The following NEDD9 variants were observed in gnomAD, a reference collection of about 807,000 sequenced individuals.
NEDD9 encodes the protein neural precursor cell expressed, developmentally down-regulated 9.
In NEDD9, 26 loss-of-function variants were observed where a neutral mutation model predicts 76.6. The observed-to-expected ratio is 0.34, with a 90% CI of 0.25 to 0.47. The LOEUF (loss-of-function observed/expected upper bound fraction) is 0.47, where lower values mean the gene tolerates loss of function less well. Among genes scored for constraint, NEDD9 ranks in the 20% least tolerant of loss-of-function variants. The pLI is 1.00. For synonymous variants in NEDD9, 392 were observed against 414.2 expected (o/e 0.95, Z 0.65); for missense variants, 937 against 1,058.5 (o/e 0.89, Z 1.59).
chr6:11,261,707 T>A (rs1291773713), intron 3 of NEDD9, among the ~76,000 whole-genome samples: 2 of 152,340 alleles, frequency 1.3e-5, no homozygotes, highest in East Asian at 3.9e-4. Flanking sequence ...TGGATGCGGA[T>A]CATGGAAAAT....
intron 3 of NEDD9, among the ~76,000 whole-genome samples, chr6:11,240,173 C>T (rs1759685488): frequency 6.6e-6 from 1 of 152,020 alleles, no homozygotes; most frequent in African/African-American, 2.4e-5. Context: ...TCATTTCGCT[C>T]TCAAGGACAA....
Position 11,188,282 on chromosome 6 carries a change from T to A in NEDD9, c.1931A>T (p.Gln644Leu), listed in dbSNP as rs1245567367. The A allele has an allele frequency of 6.2e-7, 1 of 1,614,034 alleles. No individual in the cohort carries two copies. The highest frequency in any genetic ancestry group is 8.5e-7 in the Non-Finnish European group (1 of 1,179,954). ...ATTCTCTTTTTCCAATAGCTCTTTC[T>A]GTTGCCTCTCAAACTCCTCCTTACC... ...LQGKEEFERQ[Q>L]KELLEKENIM... The change falls in exon 6 of 7, where the codon CAG (glutamine) becomes CTG (leucine). Residue 644 changes from glutamine to leucine, a missense_variant. Coordinates refer to ENST00000379446, the MANE Select transcript of NEDD9 (RefSeq NM_006403.4).
intron 2 of NEDD9, among the ~76,000 whole-genome samples, chr6:11,312,691 A>G (rs1050245474): frequency 7.3e-6 from 1 of 136,960 alleles, no homozygotes; most frequent in Non-Finnish European, 1.5e-5. Flanking sequence ...TATTATATAT[A>G]TTATATATAT....
At chr6:11,245,683 C>A (rs1443898016) in intron 3 of NEDD9, among the ~76,000 whole-genome samples, 4 of 152,168 alleles carry the variant, frequency 2.6e-5, no homozygotes, top group Admixed American at 1.3e-4. Flanking sequence ...ATTTTAAAAT[C>A]ATCTGGTTCT....
rs80014145 is a variant in NEDD9, at chr6:11,307,533, A to G, written c.-152-1378T>C. Among the ~76,000 whole-genome samples the G allele has an allele frequency of 4.1e-3, 626 of 152,098 alleles. 6 individuals are homozygous for G. The East Asian group carries it at 0.053, about 13-fold the overall frequency. On this transcript the variant is annotated intron_variant, in intron 2 of 3. Coordinates refer to the NEDD9 transcript ENST00000397378. The stretch of plus-strand genomic sequence containing the variant: ...GTCTATTGCTTCTTTAGGTACTCAC[A>G]CCTTGAGGCATTTTAACTGCCCAAG...
At chr6:11,289,225 C>A (rs1760712217) in intron 3 of NEDD9, among the ~76,000 whole-genome samples, 2 of 152,188 alleles carry the variant, frequency 1.3e-5, no homozygotes, top group Admixed American at 6.5e-5. Context: ...AAAAAGTGAA[C>A]AATGAAGGCA....
intron 1 of NEDD9, among the ~76,000 whole-genome samples, chr6:11,349,086 A>G (rs1018635278): frequency 6.6e-6 from 1 of 152,202 alleles, no homozygotes; most frequent in Non-Finnish European, 1.5e-5. Context: ...AAGAAAAAAC[A>G]ACGCCATTAA....
chr6:11,363,804 C>G (rs1762717741), intron 1 of NEDD9, among the ~76,000 whole-genome samples: 1 of 79,490 alleles, frequency 1.3e-5, no homozygotes, highest in Non-Finnish European at 2.4e-5. Flanking sequence ...CATTCTAAAC[C>G]TGAGTATTTT....
At chr6:11,210,064 T>A (rs543397787) in intron 2 of NEDD9, among the ~76,000 whole-genome samples, 92 of 151,130 alleles carry the variant, frequency 6.1e-4, no homozygotes, top group African/African-American at 2.1e-3. Flanking sequence ...AAGGGAATTT[T>A]GAACTATGGA....
chr6:11,296,683 T>C (rs1394419263), intron 3 of NEDD9, among the ~76,000 whole-genome samples: 2 of 128,430 alleles, frequency 1.6e-5, no homozygotes, highest in Middle Eastern at 3.8e-3. Context: ...TCCTTTCCCT[T>C]CCTTCCTTCC....
intron 1 of NEDD9, among the ~76,000 whole-genome samples, chr6:11,336,355 A>T (rs1762161327): frequency 6.6e-6 from 1 of 152,216 alleles, no homozygotes; most frequent in African/African-American, 2.4e-5. Context: ...CCTACTACTT[A>T]CCCAGGTTAT....
At chr6:11,330,145 C>G (rs1268693302) in intron 2 of NEDD9, among the ~76,000 whole-genome samples, 1 of 152,174 alleles carries the variant, frequency 6.6e-6, no homozygotes, top group Admixed American at 6.5e-5. Context: ...CAACTGGTAG[C>G]TACTCTGTTA....
chr6:11,375,866 T>A (rs1308131904), intron 1 of NEDD9, among the ~76,000 whole-genome samples: 1 of 152,126 alleles, frequency 6.6e-6, no homozygotes, highest in African/African-American at 2.4e-5. Context: ...ACTCTATCAC[T>A]CAGGCTGGAG....
At chr6:11,376,993 C>T (rs201353950) in intron 1 of NEDD9, among the ~76,000 whole-genome samples, 1 of 152,172 alleles carries the variant, frequency 6.6e-6, no homozygotes, top group East Asian at 1.9e-4. Context: ...CTGGAGGACA[C>T]AAGCCATAAG....
chr6:11,190,467 C>T lies in NEDD9; in HGVS notation c.1402G>A (p.Gly468Arg). ...AGGCAGGCAGCATTTGCAACAGCTCCCTTGACAAAGTGGAGGTACTCCTTC... is the reference window on the plus strand; with the variant it reads ...AGGCAGGCAGCATTTGCAACAGCTCTCTTGACAAAGTGGAGGTACTCCTTC... Reference protein sequence around the residue: ...FLKEYLHFVKGAVANAACLPE... With the variant: ...FLKEYLHFVKRAVANAACLPE... Residue 468 changes from glycine (G) to arginine (R), a missense_variant, in exon 5 of 7, where the codon GGA (glycine) becomes AGA (arginine). Transcript: ENST00000379446. The surrounding 1 kb of genome is among the most constrained non-coding windows in gnomAD (Gnocchi z 5.8). 1 of 1,614,172 alleles carries T rather than the reference C, an allele frequency of 6.2e-7. No homozygotes were observed. The highest frequency in any genetic ancestry group is 8.5e-7 in the Non-Finnish European group (1 of 1,180,026).
At chr6:11,275,565 C>CACAT (rs551632582) in intron 3 of NEDD9, among the ~76,000 whole-genome samples, 2 of 150,184 alleles carry the variant, frequency 1.3e-5, no homozygotes, top group Admixed American at 6.6e-5. Context: ...CACACACACA[C>CACAT]ATATATATAT....
exon 1 of NEDD9, chr6:11,382,224 C>G (rs1763076858): frequency 2.6e-5 from 4 of 152,274 alleles, no homozygotes; most frequent in Admixed American, 2.6e-4. Context: ...GAGGTGACAG[C>G]TAGTCCTGCT....
At chr6:11,288,013 T>G (rs1380762242) in intron 3 of NEDD9, among the ~76,000 whole-genome samples, 2 of 152,232 alleles carry the variant, frequency 1.3e-5, no homozygotes, top group Non-Finnish European at 2.9e-5. Context: ...CATGGCCTGT[T>G]AAAATGGTTT....
chr6:11,326,521 G>A (rs933605951), intron 2 of NEDD9, among the ~76,000 whole-genome samples: 1 of 152,230 alleles, frequency 6.6e-6, no homozygotes, highest in African/African-American at 2.4e-5. Flanking sequence ...GGTTTTCAAA[G>A]TATTGCCAAA....
Sources: allele counts gnomAD v4.1 joint callset (sites outside exome capture counted in the v4.1 genomes callset), GRCh38; gene constraint gnomAD v4.1.1; non-coding constraint Gnocchi (gnomAD v3.1); transcripts MANE v1.5; gene names NCBI Gene and HGNC (gene_info 2026-07-23, HGNC 2026-07-21).